The following PC variants were observed in gnomAD, a reference collection of about 807,000 sequenced individuals.
PC encodes pyruvate carboxylase, mitochondrial.
Under a neutral mutation model 107.8 loss-of-function variants are expected in PC, and 46 were observed. The ratio of observed to expected loss-of-function variants is 0.43; its 90% CI spans 0.34 to 0.55. The LOEUF (loss-of-function observed/expected upper bound fraction) is 0.55, where lower values mean the gene tolerates loss of function less well. Among genes scored for constraint, PC ranks in the 20% least tolerant of loss-of-function variants. The probability of loss-of-function intolerance (pLI) is 0.04; values close to 1 mark genes in which losing one functional copy is unlikely to be tolerated. For synonymous variants in PC, 662 were observed against 684.7 expected, an observed-to-expected ratio of 0.97 and a Z score of 0.52; for missense variants, 1,241 against 1,643.1, an observed-to-expected ratio of 0.76 and a Z score of 4.23.
At chr11:66,861,421 G>A (rs543157909) in intron 12 of PC, among the ~76,000 whole-genome samples, 33 of 152,374 alleles carry the variant, frequency 2.2e-4, no homozygotes, top group African/African-American at 7.7e-4. Flanking sequence ...TGAGGGCCAA[G>A]GCGCTGCCAC....
chr11:66,902,556 C>T (rs1768970393), intron 3 of PC, among the ~76,000 whole-genome samples: 1 of 152,294 alleles, frequency 6.6e-6, no homozygotes, highest in South Asian at 2.1e-4. Context: ...CAGGTCCTGC[C>T]CTGCCACCTG....
chr11:66,914,544 C>T (rs1948422172), intron 3 of PC, among the ~76,000 whole-genome samples: 1 of 151,888 alleles, frequency 6.6e-6, no homozygotes, highest in Admixed American at 6.6e-5. Context: ...AAGACTTTGC[C>T]AGGATCCCTT....
chr11:66,859,550 T>G, intron 12 of PC: 2 of 1,567,012 alleles, frequency 1.3e-6, no homozygotes, highest in African/African-American at 1.4e-5. Context: ...GGGGGAGGGG[T>G]GTTTGGAGCT....
intron 3 of PC, among the ~76,000 whole-genome samples, chr11:66,926,068 G>C (rs1340470062): frequency 6.6e-6 from 1 of 152,152 alleles, no homozygotes; most frequent in Non-Finnish European, 1.5e-5. Context: ...AAGATAAGAA[G>C]CATGTTTCTT....
intron 3 of PC, among the ~76,000 whole-genome samples, chr11:66,908,844 G>C (rs542030809): frequency 6.6e-6 from 1 of 152,146 alleles, no homozygotes; most frequent in East Asian, 1.9e-4. Context: ...GAAAAGTCAG[G>C]GTGGAGGGAT....
rs374346244 is a variant in PC, at chr11:66,858,835, T to A, written c.1368+4939A>T. 1 of 1,551,646 alleles carries A rather than the reference T, an allele frequency of 6.4e-7. No individual in the cohort carries two copies. Among genetic ancestry groups the A allele is most frequent in the Non-Finnish European group, 8.7e-7 (1 of 1,149,304 alleles). On this transcript the variant is annotated intron_variant, in intron 12 of 22. Transcript: ENST00000393960. The surrounding 1 kb of genome is among the most constrained non-coding windows in gnomAD (Gnocchi z 5.9). ...CCTGCTGGTGAGGCCACAGCCCGAG[T>A]AGAACTGCGGGTGCTGGCCTTGCCC...
intron 3 of PC, among the ~76,000 whole-genome samples, chr11:66,949,900 G>C (rs535799990): frequency 6.6e-6 from 1 of 152,086 alleles, no homozygotes; most frequent in African/African-American, 2.4e-5. Flanking sequence ...GGGTAGGAGT[G>C]GGTGTGGCAT....
At chr11:66,946,942 T>TA (rs1949311679) in intron 3 of PC, among the ~76,000 whole-genome samples, 1 of 152,150 alleles carries the variant, frequency 6.6e-6, no homozygotes, top group South Asian at 2.1e-4. Flanking sequence ...AACCATGAGA[T>TA]ACCACCATAT....
In PC at chr11:66,852,803, A is replaced by G; in HGVS notation, c.1547T>C (p.Ile516Thr). The G allele has an allele frequency of 6.3e-7, 1 of 1,589,160 alleles. No homozygotes were observed. The highest frequency in any genetic ancestry group is 1.1e-5 in the South Asian group (1 of 87,882). Residue 516 changes from isoleucine to threonine, a missense_variant, in exon 14 of 23, where the codon ATT becomes ACT. Around this residue, in one of 2 missense-constraint regions of PC, gnomAD observed 1,143 missense variants for 1,551.9 expected, o/e 0.74. Transcript: ENST00000393960. This position sits in a 1 kb window ranked among gnomAD's most constrained non-coding sequence, Gnocchi z 4.7. ...GGGGCTGGGGCTGGCCTTGACGGGA[A>G]TCGGGGTGGTTGGACCGTTTACCAT... ...HVMVNGPTTPIPVKASPSPTD... is the reference protein window; with the variant it reads ...HVMVNGPTTPTPVKASPSPTD...
chr11:66,864,089 C>T, intron 11 of PC, 133 bp from the exon 12 acceptor site: 1 of 886,712 alleles, frequency 1.1e-6, no homozygotes, highest in Non-Finnish European at 1.8e-6. Context: ...AGGTGAATCC[C>T]AGCTCTGGCT....
At position 66,858,057 on chromosome 11, in the gene PC, G is replaced by A. The variant is rs774150515; in HGVS notation, c.1369-4674C>T. The A allele has an allele frequency of 2.5e-6, 4 of 1,610,260 alleles. No individual in the cohort carries two copies. In the East Asian group the frequency reaches 6.7e-5, roughly 27 times the overall value. Reference sequence around the variant, plus strand: ...GAGCCTGCGTTCCCTCCACCTTGACGGCAACAGGCTGGTGGAGCTGGGCAC... The same window carrying A: ...GAGCCTGCGTTCCCTCCACCTTGACAGCAACAGGCTGGTGGAGCTGGGCAC... On this transcript the variant is annotated intron_variant, in intron 12 of 22. Coordinates refer to ENST00000393960, the MANE Select transcript of PC (RefSeq NM_001040716.2). The surrounding 1 kb of genome is among the most constrained non-coding windows in gnomAD (Gnocchi z 5.9).
Position 66,848,798 on chromosome 11 carries a change from C to A in PC, c.*101G>T. ...AGCTGTGGACAGGACCTCCACGGCC[C>A]GGCCTTCCTGGCCTCGGGCACTGGC... On this transcript the variant is annotated 3_prime_UTR_variant, in exon 23 of 23. Coordinates refer to ENST00000393960, the MANE Select transcript of PC (RefSeq NM_001040716.2). 1 of 1,501,168 alleles carries A rather than the reference C, an allele frequency of 6.7e-7. No individual in the cohort carries two copies. Among genetic ancestry groups the A allele is most frequent in the Non-Finnish European group, 9.2e-7 (1 of 1,086,142 alleles). The allele number at this position is 1,501,168 out of a possible 1,614,324, so 93.0% of individuals were successfully genotyped here. A position where few individuals can be genotyped will look rare whatever the true frequency, so the allele number is the denominator to read the frequency against.
At chr11:66,916,408 A>C (rs1948464186) in intron 3 of PC, among the ~76,000 whole-genome samples, 2 of 152,290 alleles carry the variant, frequency 1.3e-5, no homozygotes, top group Admixed American at 6.5e-5. Flanking sequence ...TTGTATGTGC[A>C]GTCTGTGCTC....
At chr11:66,895,727 G>T (rs1947735447) in intron 3 of PC, among the ~76,000 whole-genome samples, 1 of 152,106 alleles carries the variant, frequency 6.6e-6, no homozygotes, top group African/African-American at 2.4e-5. Context: ...AAAAATTAGA[G>T]GGTCAGTCCA....
chr11:66,883,757 C>G (rs1466400209), intron 3 of PC, among the ~76,000 whole-genome samples: 1 of 152,106 alleles, frequency 6.6e-6, no homozygotes, highest in Non-Finnish European at 1.5e-5. Flanking sequence ...AGAAATACTT[C>G]AGGTCACAAT....
chr11:66,914,547 G>T (rs944220527), intron 3 of PC, among the ~76,000 whole-genome samples: 1 of 151,970 alleles, frequency 6.6e-6, no homozygotes, highest in South Asian at 2.1e-4. Context: ...ACTTTGCCAG[G>T]ATCCCTTTGA....
intron 3 of PC, among the ~76,000 whole-genome samples, chr11:66,922,066 C>T (rs191819340): frequency 2.6e-5 from 4 of 152,290 alleles, no homozygotes; most frequent in Admixed American, 2.6e-4. Flanking sequence ...TAAAGCCCAA[C>T]CAGCACCTAC....
chr11:66,856,316 G>A (rs1263080982), intron 12 of PC, among the ~76,000 whole-genome samples: 3 of 151,970 alleles, frequency 2.0e-5, no homozygotes, highest in Admixed American at 2.0e-4. Flanking sequence ...GACCAATCCG[G>A]CCCGAGGCGG....
At chr11:66,904,640 A>G (rs971479047) in intron 3 of PC, among the ~76,000 whole-genome samples, 1 of 152,200 alleles carries the variant, frequency 6.6e-6, no homozygotes, top group African/African-American at 2.4e-5. Flanking sequence ...CCTGTCTCAA[A>G]ACACACACAC....
Sources: allele counts gnomAD v4.1 joint callset (sites outside exome capture counted in the v4.1 genomes callset), GRCh38; gene constraint gnomAD v4.1.1; regional missense constraint gnomAD v4.1.1; non-coding constraint Gnocchi (gnomAD v3.1); transcripts MANE v1.5; gene names NCBI Gene and HGNC (gene_info 2026-07-23, HGNC 2026-07-21).